The following SH3TC1 variants were observed in gnomAD, a reference collection of about 807,000 sequenced individuals.
The protein encoded by SH3TC1 is SH3 domain and tetratricopeptide repeats 1, also known as SH3 domain and tetratricopeptide repeat-containing protein 1.
A neutral mutation model predicts 117.3 loss-of-function variants in SH3TC1; 135 were observed. The observed-to-expected ratio is 1.15, with a 90% CI of 1.00 to 1.33. The LOEUF (loss-of-function observed/expected upper bound fraction) is 1.33. Ranked by LOEUF, SH3TC1 falls within the 40% of genes most tolerant of loss-of-function variation. The probability of loss-of-function intolerance (pLI) is 0.00; values close to 1 mark genes in which losing one functional copy is unlikely to be tolerated. For missense variants in SH3TC1, 2,092 were observed against 1,794.3 expected (o/e 1.17, Z -3.00); for synonymous variants, 898 against 816.9 (o/e 1.10, Z -1.69).
Position 8,205,651 on chromosome 4 carries a change from C to G in SH3TC1, c.172+285C>G. 1 of 764,420 alleles carries G rather than the reference C, an allele frequency of 1.3e-6. No homozygotes were observed. The highest frequency in any genetic ancestry group is 2.4e-6 in the Non-Finnish European group (1 of 417,910). 47.4% of individuals were successfully genotyped at this position (764,420 alleles called of 1,614,324 possible). Reference sequence around the variant, plus strand: ...AACGAGGCAGGGGCCTTTGAACCCCCATGTTCAGAGACCGTTCCAGAAACA... The same window carrying G: ...AACGAGGCAGGGGCCTTTGAACCCCGATGTTCAGAGACCGTTCCAGAAACA... On this transcript the variant is annotated intron_variant, in intron 2 of 17. Coordinates refer to ENST00000245105, the MANE Select transcript of SH3TC1 (RefSeq NM_018986.5). This position sits in a 1 kb window ranked among gnomAD's most constrained non-coding sequence, Gnocchi z 5.4.
intron 16 of SH3TC1, chr4:8,237,219 C>A: frequency 2.4e-6 from 1 of 411,254 alleles, no homozygotes; most frequent in Non-Finnish European, 4.3e-6. Flanking sequence ...AAACAGTGAG[C>A]AAAGGCAGGT....
At position 8,200,112 on chromosome 4, in the gene SH3TC1, G is replaced by A. The variant is rs146154945; in HGVS notation, c.-29+707G>A. On this transcript the variant is annotated intron_variant, in intron 1 of 17. Transcript: ENST00000245105. ...AAGCGGGAGTTTCCAACCTTTTGCC[G>A]TTGACGAGGCTCAGATGAGATGAAT... Among the ~76,000 whole-genome samples, 244 of 152,342 alleles carry A rather than the reference G, an allele frequency of 1.6e-3. 2 individuals are homozygous for A. Among genetic ancestry groups the A allele is most frequent in the Middle Eastern group, 6.8e-3 (2 of 294 alleles).
intron 1 of SH3TC1, among the ~76,000 whole-genome samples, chr4:8,187,677 G>A (rs947214401): frequency 1.3e-5 from 2 of 151,600 alleles, no homozygotes; most frequent in African/African-American, 2.4e-5. Flanking sequence ...GCAGCTGCCC[G>A]AGTAGCTGGG....
rs1213356232 is a variant in SH3TC1, at chr4:8,225,150, T to C, written c.1244-25T>C. On this transcript the variant is annotated intron_variant, in intron 10 of 17. Coordinates refer to ENST00000245105, the MANE Select transcript of SH3TC1 (RefSeq NM_018986.5). The surrounding 1 kb of genome is among the most constrained non-coding windows in gnomAD (Gnocchi z 5.5). ...CAGAGGTACTGGCTGGGGGTGTTGA[T>C]TGCTTCTCTTTTCTCCCTTGCCAGA... 1 of 1,613,458 alleles carries C rather than the reference T, an allele frequency of 6.2e-7. No homozygotes were observed. The highest frequency in any genetic ancestry group is 2.2e-5 in the East Asian group (1 of 44,866).
rs567877248 is a variant in SH3TC1, at chr4:8,229,021, C to T, written c.2950+377C>T. On this transcript the variant is annotated intron_variant, in intron 12 of 17. Transcript: ENST00000245105. ...CCTCCATGAGCCAGGCCCTGAACGC[C>T]GGTGCTTGTGCCCATGTTATCTGCT... The T allele has an allele frequency of 1.6e-4, 35 of 220,512 alleles. No homozygotes were observed. The South Asian group carries it at 3.3e-3, about 21-fold the overall frequency. The allele number at this position is 220,512 out of a possible 1,614,324, so 13.7% of individuals were successfully genotyped here.
At chr4:8,213,869 G>C (rs1462210751) in intron 4 of SH3TC1, among the ~76,000 whole-genome samples, 1 of 144,676 alleles carries the variant, frequency 6.9e-6, no homozygotes, top group Non-Finnish European at 1.5e-5. Context: ...CTGGGCAGCA[G>C]AGTGGGGCCT....
In SH3TC1 at chr4:8,184,454, A is replaced by T. The variant is rs181984782; in HGVS notation, c.-57+2244A>T. Reference sequence around the variant, plus strand: ...GAGTGCAGTGGTGTGAGCATGGCTCACTGCAGCCTCGACCTCCCTGGCTCA... The same window carrying T: ...GAGTGCAGTGGTGTGAGCATGGCTCTCTGCAGCCTCGACCTCCCTGGCTCA... On this transcript the variant is annotated intron_variant, in intron 1 of 16. Coordinates refer to the SH3TC1 transcript ENST00000508641. 1.5e-3 allele frequency among the ~76,000 whole-genome samples: 232 copies of T among 152,296 alleles called. 1 individual carries two copies. The highest frequency in any genetic ancestry group is 5.2e-3 in the African/African-American group (216 of 41,552).
chr4:8,185,827 G>C (rs550004309), intron 1 of SH3TC1, among the ~76,000 whole-genome samples: 42 of 152,354 alleles, frequency 2.8e-4, no homozygotes, highest in African/African-American at 9.9e-4. Context: ...TCCCAGGAGT[G>C]GGGTTGCTGG....
rs916004415 is a variant in SH3TC1 at position 8,183,835 on chromosome 4, G to A, written c.-57+1625G>A. Among the ~76,000 whole-genome samples, 3 of 152,050 alleles carry A rather than the reference G, an allele frequency of 2.0e-5. No individual in the cohort carries two copies. The highest frequency in any genetic ancestry group is 6.6e-5 in the Admixed American group (1 of 15,260). On this transcript the variant is annotated intron_variant, in intron 1 of 16. Coordinates refer to the SH3TC1 transcript ENST00000508641. This position sits in a 1 kb window ranked among gnomAD's most constrained non-coding sequence, Gnocchi z 5.4. ...TTTACCTAACGCCTTCGCCTGCCCC[G>A]GGATCCCACCCAGGACCCCACTTTG...
Position 8,227,974 on chromosome 4 carries a change from C to A in SH3TC1, c.2280C>A (p.Ser760Arg). ...LVLQNAPQPH[S>R]LPAQTSHYLR... ...TCCAGAACGCCCCCCAGCCCCACAG[C>A]CTCCCTGCCCAAACTTCCCACTACC... is the stretch of plus-strand genomic sequence containing the variant. Residue 760 changes from serine (S) to arginine (R), a missense_variant, in exon 12 of 18, where the codon AGC becomes AGA. Ser to Arg is a moderately radical substitution (Grantham distance 110). Transcript: ENST00000245105. The A allele has an allele frequency of 6.2e-7, 1 of 1,612,422 alleles. No homozygotes were observed. The highest frequency in any genetic ancestry group is 1.6e-4 in the Middle Eastern group (1 of 6,062).
chr4:8,229,820 A>G (rs1379434864), intron 12 of SH3TC1, among the ~76,000 whole-genome samples: 3 of 152,074 alleles, frequency 2.0e-5, no homozygotes, highest in Non-Finnish European at 4.4e-5. Flanking sequence ...GTCCTGGCAC[A>G]ATAGCCTGTG....
At position 8,212,842 on chromosome 4, in the gene SH3TC1, T is replaced by A; in HGVS notation, c.375+14T>A. ...CGCGTGCTTGGGGTGAGTAGCCCTC[T>A]GGGGCCTGCTCAGGGATGGGAGCTG... On this transcript the variant is annotated intron_variant, in intron 4 of 17. Transcript: ENST00000245105. 1 of 1,550,204 alleles carries A rather than the reference T, an allele frequency of 6.5e-7. No homozygotes were observed. Among genetic ancestry groups the A allele is most frequent in the Non-Finnish European group, 8.7e-7 (1 of 1,146,240 alleles).
chr4:8,209,929 C>A lies in SH3TC1; in HGVS notation c.247+107C>A. ...GGGCTTCTCAAAGTGTGGCCTCAGA[C>A]TTCCCACCTTAAAATCATGATGGGA... is the stretch of plus-strand genomic sequence containing the variant. On this transcript the variant is annotated intron_variant, in intron 3 of 17. Transcript: ENST00000245105. The surrounding 1 kb of genome is among the most constrained non-coding windows in gnomAD (Gnocchi z 5.9). 2.7e-6 allele frequency: 3 copies of A among 1,107,784 alleles called. No homozygotes were observed. Among genetic ancestry groups the A allele is most frequent in the Non-Finnish European group, 3.9e-6 (3 of 769,144 alleles). The allele number at this position is 1,107,784 out of a possible 1,614,324, so 68.6% of individuals were successfully genotyped here.
Position 8,235,510 on chromosome 4 carries a change from C to T in SH3TC1, c.3360C>T (p.Phe1120=), listed in dbSNP as rs1721725373. The change falls in exon 15 of 18, where the codon TTC becomes TTT. Residue 1120 remains phenylalanine, a synonymous_variant. Transcript: ENST00000245105. ...LELFEAAGDI[F]FDGAWEREKA... ...TGTTTGAGGCGGCTGGAGACATCTT[C>T]TTCGACGGGGCCTGGGAGCGGGAGA... is the stretch of plus-strand genomic sequence containing the variant. The T allele has an allele frequency of 6.2e-7, 1 of 1,607,162 alleles. No homozygotes were observed. Among genetic ancestry groups the T allele is most frequent in the Non-Finnish European group, 8.5e-7 (1 of 1,176,084 alleles).
chr4:8,218,430 T>A, intron 8 of SH3TC1, 83 bp downstream of exon 8: 1 of 999,004 alleles, frequency 1.0e-6, no homozygotes, highest in South Asian at 1.5e-5. Flanking sequence ...TTGCCCTACA[T>A]CCTCCCTGAG....
chr4:8,213,649 G>C (rs1415845842), intron 4 of SH3TC1, among the ~76,000 whole-genome samples: 1 of 152,168 alleles, frequency 6.6e-6, no homozygotes, highest in Non-Finnish European at 1.5e-5. Context: ...TGTAATCCTA[G>C]CACTTTGGGC....
chr4:8,236,750 A>G, intron 16 of SH3TC1: 1 of 304,634 alleles, frequency 3.3e-6, no homozygotes, highest in Non-Finnish European at 6.1e-6. Context: ...TGAGTGGCAC[A>G]TTCCCTTTCT....
chr4:8,196,667 C>G (rs924371455), upstream of SH3TC1, among the ~76,000 whole-genome samples: 1 of 152,156 alleles, frequency 6.6e-6, no homozygotes, highest in Admixed American at 6.5e-5. The surrounding 1 kb of genome is among the most constrained non-coding windows in gnomAD (Gnocchi z 4.6). Context: ...GGGAGCTGGA[C>G]AGAGGCCTCC....
At position 8,219,375 on chromosome 4, in the gene SH3TC1, G is replaced by A. The variant is rs765418388; in HGVS notation, c.957G>A (p.Ser319=). 2.0e-5 allele frequency: 32 copies of A among 1,606,012 alleles called. No homozygotes were observed. The highest frequency in any genetic ancestry group is 1.5e-4 in the Admixed American group (9 of 59,604). Residue 319 remains serine, a synonymous_variant, in exon 9 of 18, where the codon TCG becomes TCA. Coordinates refer to ENST00000245105, the MANE Select transcript of SH3TC1 (RefSeq NM_018986.5). ...LASALADFQG[S]GPEEMTFRGG... is the part of the protein sequence containing the mutation. ...CGGCATTGGCAGACTTCCAGGGCTC[G>A]GGGCCCGAAGAGATGACCTTCCGAG...
Sources: gnomAD v4.1 joint callset for allele counts (sites outside exome capture counted in the v4.1 genomes callset) on GRCh38, gnomAD v4.1.1 for gene constraint, Gnocchi (gnomAD v3.1) non-coding constraint, MANE v1.5 for transcripts, NCBI Gene and HGNC (gene_info 2026-07-23, HGNC 2026-07-21) for gene names.